Variants in KCNIP1 observed in about 807,000 individuals in gnomAD.
KCNIP1 encodes the protein A-type potassium channel modulatory protein KCNIP1.
In KCNIP1, 18 loss-of-function variants were observed where a neutral mutation model predicts 33.0. The observed-to-expected ratio is 0.55, with a 90% CI of 0.38 to 0.81. KCNIP1 has a LOEUF of 0.81. Ranked by LOEUF, KCNIP1 falls within the 30% of genes least tolerant of loss-of-function variation. KCNIP1 has a pLI of 0.00. For missense variants in KCNIP1, 238 were observed against 271.6 expected, an observed-to-expected ratio of 0.88 and a Z score of 0.87; for synonymous variants, 93 against 98.3, an observed-to-expected ratio of 0.95 and a Z score of 0.32.
chr5:170,488,715 C>T (rs1016678672), intron 1 of KCNIP1, among the ~76,000 whole-genome samples: 13 of 152,070 alleles, frequency 8.5e-5, no homozygotes, highest in South Asian at 6.2e-4. Flanking sequence ...GGGGAGAGGC[C>T]GCATGACATG....
At chr5:170,654,020 C>G (rs1761162286) in intron 1 of KCNIP1, among the ~76,000 whole-genome samples, 1 of 152,174 alleles carries the variant, frequency 6.6e-6, no homozygotes, top group Non-Finnish European at 1.5e-5. Context: ...AAAGGTCACA[C>G]CATCCTTTTC....
chr5:170,415,860 TC>T (rs1279075312), intron 1 of KCNIP1, among the ~76,000 whole-genome samples: 1 of 152,100 alleles, frequency 6.6e-6, no homozygotes, highest in Non-Finnish European at 1.5e-5. Flanking sequence ...GAGTGACGTC[TC>T]CATGCCATGA....
At chr5:170,502,994 G>T (rs1341577547), upstream of KCNIP1, among the ~76,000 whole-genome samples, 1 of 152,124 alleles carries the variant, frequency 6.6e-6, no homozygotes, top group Non-Finnish European at 1.5e-5. Flanking sequence ...TCTAATCATT[G>T]CCCCTTCAAG....
chr5:170,355,194 G>T (rs1451082998), intron 1 of KCNIP1, among the ~76,000 whole-genome samples: 3 of 152,294 alleles, frequency 2.0e-5, no homozygotes, highest in African/African-American at 7.2e-5. Context: ...GCTCTTCCAA[G>T]ATACCCAGGT....
chr5:170,488,578 A>G (rs575303784), intron 1 of KCNIP1, among the ~76,000 whole-genome samples: 1 of 152,384 alleles, frequency 6.6e-6, no homozygotes, highest in Non-Finnish European at 1.5e-5. Flanking sequence ...TAGTGTATGC[A>G]TCTACAAGGT....
At chr5:170,474,842 T>A (rs1756816296) in intron 1 of KCNIP1, among the ~76,000 whole-genome samples, 1 of 151,826 alleles carries the variant, frequency 6.6e-6, no homozygotes, top group East Asian at 1.9e-4. Context: ...ACCCAAAGAG[T>A]GAGCAGCAGC....
intron 1 of KCNIP1, among the ~76,000 whole-genome samples, chr5:170,441,419 T>TG (rs1232083308): frequency 1.3e-5 from 2 of 151,564 alleles, no homozygotes; most frequent in Non-Finnish European, 2.9e-5. Context: ...TGGGGAGGGG[T>TG]GGGGGGCCCA....
intron 1 of KCNIP1, among the ~76,000 whole-genome samples, chr5:170,450,710 A>T (rs1348918366): frequency 6.6e-6 from 1 of 152,150 alleles, no homozygotes; most frequent in Non-Finnish European, 1.5e-5. Context: ...CCCCAGAAAC[A>T]GTTTCCCCCT....
intron 1 of KCNIP1, among the ~76,000 whole-genome samples, chr5:170,704,281 C>G (rs1415540550): frequency 2.0e-5 from 2 of 102,498 alleles, no homozygotes; most frequent in African/African-American, 9.8e-5. Context: ...CAATAATTAG[C>G]TAATAAGAAA....
At chr5:170,563,636 TTTTTTTTGTTTG>T (rs1469342060) in intron 1 of KCNIP1, among the ~76,000 whole-genome samples, 1 of 78,992 alleles carries the variant, frequency 1.3e-5, no homozygotes, top group East Asian at 3.9e-4. Flanking sequence ...TGTTTTGTTT[TTTTTTTTGTTTG>T]TTTGTTTGTT....
At chr5:170,587,346 C>T (rs1261551651) in intron 1 of KCNIP1, among the ~76,000 whole-genome samples, 1 of 137,246 alleles carries the variant, frequency 7.3e-6, no homozygotes, top group Admixed American at 8.2e-5. Context: ...GGCTTCAAAC[C>T]ATGAGGTGGA....
At chr5:170,654,161 A>T (rs1163599801) in intron 1 of KCNIP1, among the ~76,000 whole-genome samples, 1 of 152,128 alleles carries the variant, frequency 6.6e-6, no homozygotes, top group African/African-American at 2.4e-5. Flanking sequence ...ACCTTCTCTG[A>T]GAAGGCTGCC....
chr5:170,386,457 A>G (rs529603185), intron 1 of KCNIP1, among the ~76,000 whole-genome samples: 38 of 152,240 alleles, frequency 2.5e-4, no homozygotes, highest in Admixed American at 1.2e-3. Flanking sequence ...GTTTATGATC[A>G]TTTGCTACAA....
intron 1 of KCNIP1, among the ~76,000 whole-genome samples, chr5:170,482,011 A>G (rs957186867): frequency 1.3e-5 from 2 of 152,220 alleles, no homozygotes; most frequent in African/African-American, 4.8e-5. Context: ...CAGCTGCTAA[A>G]GCATTCTGCT....
intron 1 of KCNIP1, among the ~76,000 whole-genome samples, chr5:170,716,122 G>A (rs141005649): frequency 8.5e-5 from 13 of 152,336 alleles, no homozygotes; most frequent in African/African-American, 2.4e-4. Context: ...ATGTGAGAGC[G>A]GCAGCGTGGG....
intron 1 of KCNIP1, among the ~76,000 whole-genome samples, chr5:170,387,782 G>A (rs951760653): frequency 1.3e-5 from 2 of 152,232 alleles, no homozygotes; most frequent in Non-Finnish European, 2.9e-5. Flanking sequence ...CACAGGTAAA[G>A]CAACAGAATC....
intron 6 of KCNIP1, 40 bp downstream of exon 6, chr5:170,732,944 C>A: frequency 7.7e-7 from 1 of 1,290,674 alleles, no homozygotes; most frequent in Non-Finnish European, 1.1e-6. Flanking sequence ...TAAGCCCAGC[C>A]TAGATCAAGT....
intron 7 of KCNIP1, among the ~76,000 whole-genome samples, chr5:170,734,949 C>T (rs1477729700): frequency 6.6e-6 from 1 of 152,358 alleles, no homozygotes; most frequent in Non-Finnish European, 1.5e-5. Flanking sequence ...ATTCCTCTCC[C>T]ACCATGGGAT....
intron 1 of KCNIP1, among the ~76,000 whole-genome samples, chr5:170,397,044 A>G (rs1466296509): frequency 6.6e-6 from 1 of 152,240 alleles, no homozygotes; most frequent in Non-Finnish European, 1.5e-5. Context: ...ATTTATTACT[A>G]CAAAGAGTCT....
Sources: allele counts gnomAD v4.1 joint callset (sites outside exome capture counted in the v4.1 genomes callset), GRCh38; gene constraint gnomAD v4.1.1; transcripts MANE v1.5; gene names NCBI Gene and HGNC (gene_info 2026-07-23, HGNC 2026-07-21).